The following DNMT3B variants were observed in gnomAD, a reference collection of about 807,000 sequenced individuals.
DNMT3B encodes the protein DNA methyltransferase 3 beta.
A neutral mutation model predicts 120.2 loss-of-function variants in DNMT3B; 37 were observed. The observed-to-expected ratio is 0.31, with a 90% CI of 0.24 to 0.40. The LOEUF is 0.40. Among genes scored for constraint, DNMT3B ranks in the 10% least tolerant of loss-of-function variants. The probability of loss-of-function intolerance (pLI) is 1.00; values close to 1 mark genes in which losing one functional copy is unlikely to be tolerated. For synonymous variants in DNMT3B, 412 were observed against 442.8 expected, an observed-to-expected ratio of 0.93 and a Z score of 0.87; for missense variants, 878 against 1,137.3, an observed-to-expected ratio of 0.77 and a Z score of 3.28.
At chr20:32,776,897 C>A (rs1432201045) in intron 1 of DNMT3B, among the ~76,000 whole-genome samples, 1 of 151,634 alleles carries the variant, frequency 6.6e-6, no homozygotes, top group Non-Finnish European at 1.5e-5. Flanking sequence ...GCAGCACATG[C>A]CTCGAGGCTA....
chr20:32,763,735 G>T (rs1987121048), intron 1 of DNMT3B, among the ~76,000 whole-genome samples: 2 of 152,238 alleles, frequency 1.3e-5, no homozygotes, highest in Admixed American at 1.3e-4. Flanking sequence ...CCGAGCCCAG[G>T]TCTTGCCCGC....
intron 1 of DNMT3B, among the ~76,000 whole-genome samples, chr20:32,768,761 G>C (rs1160398410): frequency 6.6e-6 from 1 of 152,128 alleles, no homozygotes; most frequent in Non-Finnish European, 1.5e-5. Context: ...GCTCTTTTGT[G>C]AAAAGATGGT....
chr20:32,806,283 C>T lies in DNMT3B; in HGVS notation c.2376C>T (p.Val792=), dbSNP rs752580239. The change falls in exon 22 of 23, where the codon GTC becomes GTT. Residue 792 remains valine, a synonymous_variant. Transcript: ENST00000328111. ...GGAAAAACCAACTTTTCCCTGTTGT[C>T]ATGAATGGCAAAGAAGATGTTTTGT... ...KQGKNQLFPV[V]MNGKEDVLWC... 21 of 1,614,184 alleles carry T rather than the reference C, an allele frequency of 1.3e-5. No individual in the cohort carries two copies. The highest frequency in any genetic ancestry group is 1.8e-5 in the Non-Finnish European group (21 of 1,180,048).
rs780518496 is a variant in DNMT3B at position 32,787,500 on chromosome 20, C to T, written c.654+49C>T. ...CCAGGGTGACTGAGGACCCTGAACA[C>T]GGGGAAAAACCAGTTACCTGCTACT... is the stretch of plus-strand genomic sequence containing the variant. On this transcript the variant is annotated intron_variant, in intron 6 of 22. Transcript: ENST00000328111. 4.1e-5 allele frequency: 65 copies of T among 1,580,354 alleles called. 1 individual carries two copies. Among genetic ancestry groups the T allele is most frequent in the South Asian group, 4.1e-4 (36 of 88,642 alleles).
chr20:32,799,254 A>G lies in DNMT3B; in HGVS notation c.1685A>G (p.Lys562Arg). 1 of 1,612,652 alleles carries G rather than the reference A, an allele frequency of 6.2e-7. No homozygotes were observed. Among genetic ancestry groups the G allele is most frequent in the African/African-American group, 1.3e-5 (1 of 75,022 alleles). ...TTCCTTACCTGGCAGGAAGCCCCCA[A>G]GCTGTACCCTGCCATTCCCGCAGCC... The part of the protein sequence containing the change: ...SDTGLEYEAP[K>R]LYPAIPAARR... Residue 562 changes from lysine to arginine, a missense_variant, in exon 16 of 23, where the codon AAG becomes AGG. Physicochemically the swap from Lys to Arg is conservative, Grantham distance 26. This residue lies in a region of DNMT3B where 334 missense variants were observed against 518.8 expected (regional missense o/e 0.64). Coordinates refer to ENST00000328111, the MANE Select transcript of DNMT3B (RefSeq NM_006892.4).
At chr20:32,805,108 G>T (rs1277419723) in intron 20 of DNMT3B, among the ~76,000 whole-genome samples, 1 of 152,184 alleles carries the variant, frequency 6.6e-6, no homozygotes, top group African/African-American at 2.4e-5. Flanking sequence ...ACCTGACTTT[G>T]AAGTCCAGGC....
chr20:32,776,287 G>A (rs1008665155), intron 1 of DNMT3B, among the ~76,000 whole-genome samples: 1 of 151,840 alleles, frequency 6.6e-6, no homozygotes, highest in African/African-American at 2.4e-5. Context: ...AGTAAGTAGG[G>A]CCCTGGGAAC....
At chr20:32,801,135 G>C in intron 18 of DNMT3B, 143 bp from the exon 19 acceptor site, 1 of 1,311,774 alleles carries the variant, frequency 7.6e-7, no homozygotes, top group Non-Finnish European at 1.1e-6. Flanking sequence ...CTGTGTCCCT[G>C]CTGTCATTCA....
rs144902405 is a variant in DNMT3B at position 32,784,934 on chromosome 20, A to T, written c.306+75A>T. 3.1e-5 allele frequency: 44 copies of T among 1,413,338 alleles called. No homozygotes were observed. The African/African-American group carries it at 5.9e-4, about 19-fold the overall frequency. The allele number at this position is 1,413,338 out of a possible 1,614,324, so 87.5% of individuals were successfully genotyped here. On this transcript the variant is annotated intron_variant, in intron 4 of 22. Transcript: ENST00000328111. ...AGCATACATAGCATGCTACATACAT[A>T]GCATAGCTCCTTAGGGGAGCTTTTA...
chr20:32,799,216 C>T (rs1161914268), intron 15 of DNMT3B, 28 bp from the exon 16 acceptor site: 4 of 1,600,746 alleles, frequency 2.5e-6, no homozygotes, highest in Non-Finnish European at 3.4e-6. Context: ...GTGCCTTCAC[C>T]ACCATGACCT....
At chr20:32,793,140 A>G (rs1026700246) in intron 9 of DNMT3B, among the ~76,000 whole-genome samples, 19 of 152,170 alleles carry the variant, frequency 1.2e-4, no homozygotes, top group African/African-American at 4.6e-4. Flanking sequence ...GACCAGTACC[A>G]TATTTCTCCC....
In DNMT3B at chr20:32,777,901, G is replaced by A. The variant is rs148988968; in HGVS notation, c.-6-2417G>A. On this transcript the variant is annotated intron_variant, in intron 1 of 22. Transcript: ENST00000328111. ...TGGTAGGGGAAATTCCTTAACAGGT[G>A]CTGATACACACTCTGGATCATGTGA... Among the ~76,000 whole-genome samples, 28 of 152,260 alleles carry A rather than the reference G, an allele frequency of 1.8e-4. No individual in the cohort carries two copies. The East Asian group carries it at 5.4e-3, about 29-fold the overall frequency.
Position 32,808,053 on chromosome 20 carries a change from C to A in DNMT3B, c.*150C>A. 1 of 1,347,736 alleles carries A rather than the reference C, an allele frequency of 7.4e-7. No homozygotes were observed. Among genetic ancestry groups the A allele is most frequent in the Non-Finnish European group, 1.0e-6 (1 of 977,664 alleles). 83.5% of individuals were successfully genotyped at this position (1,347,736 alleles called of 1,614,324 possible). On this transcript the variant is annotated 3_prime_UTR_variant, in exon 23 of 23. Transcript: ENST00000328111. ...TCCCTCTTGCTCAGTGGGGGCAGAGCCACCTGACTCTTGCAGGGGTAGCCT... is the reference window on the plus strand; with the variant it reads ...TCCCTCTTGCTCAGTGGGGGCAGAGACACCTGACTCTTGCAGGGGTAGCCT...
At position 32,801,315 on chromosome 20, in the gene DNMT3B, G is replaced by C. The variant is rs535670607; in HGVS notation, c.2034G>C (p.Leu678=). 1 of 1,614,162 alleles carries C rather than the reference G, an allele frequency of 6.2e-7. No individual in the cohort carries two copies. Among genetic ancestry groups the C allele is most frequent in the African/African-American group, 1.3e-5 (1 of 75,032 alleles). The change falls in exon 19 of 23, where the codon CTG becomes CTC. Residue 678 remains leucine, a synonymous_variant. Coordinates refer to ENST00000328111, the MANE Select transcript of DNMT3B (RefSeq NM_006892.4). ...TGRLFFEFYH[L]LNYSRPKEGD... Reference sequence around the variant, plus strand: ...GGCTCTTCTTCGAATTTTACCACCTGCTGAATTACTCACGCCCCAAGGAGG... The same window carrying C: ...GGCTCTTCTTCGAATTTTACCACCTCCTGAATTACTCACGCCCCAAGGAGG...
intron 20 of DNMT3B, among the ~76,000 whole-genome samples, chr20:32,804,659 G>A (rs1374863723): frequency 6.6e-6 from 1 of 151,558 alleles, no homozygotes; most frequent in Non-Finnish European, 1.5e-5. Context: ...AATTTTCAAG[G>A]GTGAAAGTTA....
intron 6 of DNMT3B, among the ~76,000 whole-genome samples, chr20:32,788,578 A>C (rs922203010): frequency 6.6e-5 from 10 of 151,776 alleles, no homozygotes; most frequent in African/African-American, 2.4e-4. Context: ...CTAGGACTAC[A>C]GGCGTGCACC....
chr20:32,776,593 T>TA (rs1260263036), intron 1 of DNMT3B, among the ~76,000 whole-genome samples: 1 of 152,170 alleles, frequency 6.6e-6, no homozygotes, highest in Non-Finnish European at 1.5e-5. Context: ...ATCAAGGAGG[T>TA]AGTATGTCAG....
chr20:32,782,602 TA>T (rs1289802171), intron 3 of DNMT3B, among the ~76,000 whole-genome samples: 8 of 152,194 alleles, frequency 5.3e-5, no homozygotes, highest in Non-Finnish European at 1.2e-4. Flanking sequence ...TACAAGAAGA[TA>T]TTTTGAGAGA....
intron 1 of DNMT3B, among the ~76,000 whole-genome samples, chr20:32,763,092 C>T (rs1204313158): frequency 6.6e-6 from 1 of 152,108 alleles, no homozygotes; most frequent in Non-Finnish European, 1.5e-5. Flanking sequence ...AGGGGCTTTG[C>T]TCATGGGCAG....
Sources: allele counts gnomAD v4.1 joint callset (sites outside exome capture counted in the v4.1 genomes callset), GRCh38; gene constraint gnomAD v4.1.1; regional missense constraint gnomAD v4.1.1; transcripts MANE v1.5; gene names NCBI Gene and HGNC (gene_info 2026-07-23, HGNC 2026-07-21).